The following MYOM3 variants were observed in gnomAD, a reference collection of about 807,000 sequenced individuals.
MYOM3 encodes the protein myomesin-3.
In MYOM3, 155 loss-of-function variants were observed where a neutral mutation model predicts 191.7. The ratio of observed to expected loss-of-function variants is 0.81; its 90% confidence interval spans 0.71 to 0.92. The LOEUF is 0.92. MYOM3 is among the 40% of genes least tolerant of loss of function. The probability of loss-of-function intolerance (pLI) is 0.00; values close to 1 mark genes in which losing one functional copy is unlikely to be tolerated. For synonymous variants in MYOM3, 757 were observed against 762.9 expected (o/e 0.99, Z 0.13); for missense variants, 1,889 against 1,890.6 (o/e 1.00, Z 0.02).
intron 35 of MYOM3, 122 bp downstream of exon 35, chr1:24,060,938 C>A: frequency 9.1e-7 from 1 of 1,097,660 alleles, no homozygotes; most frequent in Non-Finnish European, 1.4e-6. Context: ...TCTGTAAGAC[C>A]CTAGAGCCCC....
chr1:24,108,774 C>G, intron 1 of MYOM3, 120 bp from the exon 2 acceptor site: 1 of 680,500 alleles, frequency 1.5e-6, no homozygotes, highest in Middle Eastern at 2.5e-4. Context: ...TCTCTGCAGT[C>G]GGCAGACAGG....
rs1570850880 is a variant in MYOM3 at position 24,063,021 on chromosome 1, A to G, written c.3770+105T>C. The G allele has an allele frequency of 1.1e-5, 1 of 90,660 alleles. No homozygotes were observed. The highest frequency in any genetic ancestry group is 2.1e-5 in the Non-Finnish European group (1 of 47,442). 5.6% of individuals were successfully genotyped at this position (90,660 alleles called of 1,614,324 possible). A position where few individuals can be genotyped will look rare whatever the true frequency, so the allele number is the denominator to read the frequency against. On this transcript the variant is annotated intron_variant, in intron 32 of 36. Coordinates refer to ENST00000374434, the MANE Select transcript of MYOM3 (RefSeq NM_152372.4). The surrounding 1 kb of genome is among the most constrained non-coding windows in gnomAD (Gnocchi z 4.5). ...ACCAGGCTCTGCTTGGGGGACCAGA[A>G]ACTCTGCTTGGAGGACCAGGCAGGG...
intron 14 of MYOM3, 136 bp from the exon 15 acceptor site, chr1:24,086,963 T>C: frequency 2.3e-6 from 2 of 872,708 alleles, no homozygotes; most frequent in Middle Eastern, 6.6e-4. Context: ...CCCCTGAGCA[T>C]GGGGCTCTGC....
chr1:24,069,607 CTTTCTTTCTT>C (rs1176067307), intron 25 of MYOM3, among the ~76,000 whole-genome samples: 1 of 131,082 alleles, frequency 7.6e-6, no homozygotes, highest in Non-Finnish European at 1.6e-5. Flanking sequence ...TTCTTTCTTT[CTTTCTTTCTT>C]TTTTTTTTTT....
intron 7 of MYOM3, among the ~76,000 whole-genome samples, chr1:24,095,746 C>T (rs2148557809): frequency 6.6e-6 from 1 of 152,270 alleles, no homozygotes; most frequent in East Asian, 1.9e-4. Flanking sequence ...ATGGCAGGTT[C>T]TCAATACATG....
rs377222996 is a variant in MYOM3, at chr1:24,092,976, C to T, written c.1061G>A (p.Arg354Gln). Reference sequence around the variant, plus strand: ...CACAAGCACGTAGGTGCTCTGTTCCCGGGGTCCGAAGGGCGAGGGCACCCG... The same window carrying T: ...CACAAGCACGTAGGTGCTCTGTTCCTGGGGTCCGAAGGGCGAGGGCACCCG... ...MVRVPSPFGPREQSTYVLVRD... is the reference protein window; with the variant it reads ...MVRVPSPFGPQEQSTYVLVRD... The change falls in exon 10 of 37, where the codon CGG becomes CAG. Residue 354 changes from arginine to glutamine, a missense_variant. Transcript: ENST00000374434. The T allele has an allele frequency of 3.4e-5, 55 of 1,603,968 alleles. No homozygotes were observed. Among genetic ancestry groups the T allele is most frequent in the African/African-American group, 1.6e-4 (12 of 74,700 alleles).
intron 1 of MYOM3, among the ~76,000 whole-genome samples, chr1:24,108,923 G>A (rs1228907817): frequency 6.6e-6 from 1 of 152,240 alleles, no homozygotes; most frequent in East Asian, 1.9e-4. Flanking sequence ...CAGGGCCCTG[G>A]CTTCTAGCTG....
At chr1:24,082,513 C>T in intron 17 of MYOM3, 80 bp downstream of exon 17, 1 of 1,478,894 alleles carries the variant, frequency 6.8e-7, no homozygotes, top group East Asian at 2.4e-5. Flanking sequence ...AGGACTGGGC[C>T]CTCCAAGATG....
chr1:24,099,509 G>T (rs1242148947), intron 6 of MYOM3, among the ~76,000 whole-genome samples, 171 bp downstream of exon 6: 1 of 131,918 alleles, frequency 7.6e-6, no homozygotes, highest in Non-Finnish European at 1.6e-5. Context: ...ATCTCTGGGG[G>T]TGGGGGGAGG....
intron 16 of MYOM3, 188 bp from the exon 17 acceptor site, chr1:24,082,902 G>T (rs1037260276): frequency 1.8e-6 from 1 of 571,098 alleles, no homozygotes. Flanking sequence ...GGAGGGGGTA[G>T]ACCTAAGAGT....
rs752760351 is a variant in MYOM3, at chr1:24,093,123, T to A, written c.929-15A>T. ...CAGTAGGCTCCCTGTGGAGGGGAAG[T>A]GGGGGGCCATTGAGTTTGTGGGGGG... On this transcript the variant is annotated splice_polypyrimidine_tract_variant and intron_variant, in intron 9 of 36. Coordinates refer to ENST00000374434, the MANE Select transcript of MYOM3 (RefSeq NM_152372.4). The A allele has an allele frequency of 6.3e-7, 1 of 1,593,334 alleles. No individual in the cohort carries two copies. Among genetic ancestry groups the A allele is most frequent in the South Asian group, 1.1e-5 (1 of 90,112 alleles).
At chr1:24,096,405 T>C (rs1441996667) in intron 7 of MYOM3, among the ~76,000 whole-genome samples, 1 of 152,014 alleles carries the variant, frequency 6.6e-6, no homozygotes, top group Non-Finnish European at 1.5e-5. Flanking sequence ...TTGCCAGCCT[T>C]GATGGAGAGA....
At chr1:24,105,230 C>A (rs1232345206) in intron 5 of MYOM3, among the ~76,000 whole-genome samples, 1 of 152,216 alleles carries the variant, frequency 6.6e-6, no homozygotes, top group East Asian at 1.9e-4. Context: ...CACATGCAGG[C>A]CGGACAGGAG....
chr1:24,088,011 A>C (rs1206220913), intron 14 of MYOM3, among the ~76,000 whole-genome samples: 1 of 152,184 alleles, frequency 6.6e-6, no homozygotes, highest in Non-Finnish European at 1.5e-5. Context: ...TAACTGGTGG[A>C]TATAGTATTA....
At chr1:24,091,758 G>A (rs115348844) in intron 11 of MYOM3, among the ~76,000 whole-genome samples, 2,569 of 152,280 alleles carry the variant, frequency 0.017, 75 homozygotes, top group African/African-American at 0.059. Flanking sequence ...CTTCAGAGCC[G>A]GCCACACTGG....
Position 24,086,681 on chromosome 1 carries a change from C to G in MYOM3, c.1761G>C (p.Ser587=), listed in dbSNP as rs368503939. The G allele has an allele frequency of 5.0e-6, 8 of 1,614,094 alleles. No individual in the cohort carries two copies. The South Asian group carries it at 5.5e-5, about 11-fold the overall frequency. ...AMNQYGLSDP[S]EPSEPIALRG... is the part of the protein sequence containing the mutation. The stretch of plus-strand genomic sequence containing the variant: ...GCAAGGCGATGGGTTCGCTGGGCTC[C>G]GAGGGATCGCTCAGGCCATACTGGT... Residue 587 remains serine, a synonymous_variant, in exon 15 of 37, where the codon TCG becomes TCC. Transcript: ENST00000374434.
rs1437084243 is a variant in MYOM3, at chr1:24,066,174, C to G, written c.3424-173G>C. The G allele has an allele frequency of 8.1e-5, 58 of 719,330 alleles. 1 individual carries two copies. The East Asian group carries it at 1.5e-3, about 19-fold the overall frequency. 44.6% of individuals were successfully genotyped at this position (719,330 alleles called of 1,614,324 possible). ...AATGGTTTTCCCTCTGCCTCTTGAT[C>G]CCTGCCTTACTCTATTTTTCTTGGA... On this transcript the variant is annotated intron_variant, in intron 28 of 36. Transcript: ENST00000374434.
At chr1:24,064,318 T>G in intron 29 of MYOM3, 159 bp from the exon 30 acceptor site, 1 of 589,342 alleles carries the variant, frequency 1.7e-6, no homozygotes, top group Non-Finnish European at 3.0e-6. Flanking sequence ...TCATCTGGGC[T>G]GGGTGAGCTC....
At chr1:24,104,170 T>A (rs1643962935) in intron 5 of MYOM3, among the ~76,000 whole-genome samples, 1 of 152,144 alleles carries the variant, frequency 6.6e-6, no homozygotes, top group South Asian at 2.1e-4. Flanking sequence ...CAAATGCAAG[T>A]GAAGTTTTGG....
Sources: allele counts gnomAD v4.1 joint callset (sites outside exome capture counted in the v4.1 genomes callset), GRCh38; gene constraint gnomAD v4.1.1; non-coding constraint Gnocchi (gnomAD v3.1); transcripts MANE v1.5; gene names NCBI Gene and HGNC (gene_info 2026-07-23, HGNC 2026-07-21).